Variants in RBPMS observed in about 807,000 individuals in gnomAD.
RBPMS encodes RNA binding protein, mRNA processing factor, also known as RNA-binding protein with multiple splicing.
In RBPMS, 7 loss-of-function variants were observed where a neutral mutation model predicts 26.8. That is an observed-to-expected ratio of 0.26 (90% CI 0.15 to 0.49). The LOEUF (loss-of-function observed/expected upper bound fraction) is 0.49, where lower values mean the gene tolerates loss of function less well. RBPMS is among the 20% of genes least tolerant of loss of function. The probability of loss-of-function intolerance (pLI) is 0.98; values close to 1 mark genes in which losing one functional copy is unlikely to be tolerated. For synonymous variants in RBPMS, 96 were observed against 93.3 expected, an observed-to-expected ratio of 1.03 and a Z score of -0.17; for missense variants, 186 against 250.0, an observed-to-expected ratio of 0.74 and a Z score of 1.73.
intron 5 of RBPMS, among the ~76,000 whole-genome samples, chr8:30,506,336 TAAAAAAA>T (rs34344286): frequency 1.5e-5 from 2 of 132,132 alleles, no homozygotes; most frequent in Middle Eastern, 3.7e-3. Context: ...ATTTGAAGTT[TAAAAAAA>T]AAAAAAAAAA....
chr8:30,503,263 T>A (rs1370827613), intron 4 of RBPMS, among the ~76,000 whole-genome samples: 1 of 152,124 alleles, frequency 6.6e-6, no homozygotes, highest in Non-Finnish European at 1.5e-5. Flanking sequence ...GGATATTTCT[T>A]TTTTTGAGAC....
At chr8:30,545,410 G>C (rs1166341946) in intron 6 of RBPMS, 3 of 1,051,376 alleles carry the variant, frequency 2.9e-6, no homozygotes, top group Admixed American at 5.3e-5. Flanking sequence ...TTCACCTCTG[G>C]AGATCACCAC....
chr8:30,475,621 C>A (rs935384111), intron 2 of RBPMS, among the ~76,000 whole-genome samples: 2 of 152,152 alleles, frequency 1.3e-5, no homozygotes, highest in Admixed American at 6.5e-5. Flanking sequence ...GGTTAAAGAT[C>A]ATTCTCACTG....
intron 1 of RBPMS, among the ~76,000 whole-genome samples, chr8:30,413,416 G>GGGCA (rs1809683764): frequency 1.3e-5 from 2 of 152,028 alleles, no homozygotes; most frequent in African/African-American, 4.8e-5. Context: ...GAAGGAGAGT[G>GGGCA]GGCATCTCTT....
chr8:30,492,860 T>C (rs1054673551), intron 4 of RBPMS, among the ~76,000 whole-genome samples: 2 of 152,188 alleles, frequency 1.3e-5, no homozygotes, highest in African/African-American at 4.8e-5. Context: ...TTACTCTTTT[T>C]TTCCTTTTTG....
intron 1 of RBPMS, among the ~76,000 whole-genome samples, chr8:30,458,583 C>T (rs1381525457): frequency 6.6e-6 from 1 of 151,970 alleles, no homozygotes; most frequent in Non-Finnish European, 1.5e-5. Flanking sequence ...AAACAAAAAA[C>T]AAAAACAAAT....
intron 6 of RBPMS, among the ~76,000 whole-genome samples, chr8:30,549,152 C>G (rs1001922458): frequency 6.6e-6 from 1 of 152,216 alleles, no homozygotes; most frequent in African/African-American, 2.4e-5. Flanking sequence ...AACCTGTGAA[C>G]AGAGTCATGT....
intron 1 of RBPMS, among the ~76,000 whole-genome samples, chr8:30,449,901 A>T (rs1814342771): frequency 6.6e-6 from 1 of 152,242 alleles, no homozygotes; most frequent in African/African-American, 2.4e-5. Flanking sequence ...TTTTATAGTT[A>T]GAATTTGGTT....
chr8:30,453,208 G>C (rs1200444615), intron 1 of RBPMS, among the ~76,000 whole-genome samples: 1 of 152,210 alleles, frequency 6.6e-6, no homozygotes, highest in Non-Finnish European at 1.5e-5. Context: ...CTTAATGTAT[G>C]TTAAAGTTTG....
At chr8:30,557,524 A>AG (rs1287457263) in intron 6 of RBPMS, among the ~76,000 whole-genome samples, 1 of 152,202 alleles carries the variant, frequency 6.6e-6, no homozygotes, top group Non-Finnish European at 1.5e-5. Context: ...GCTTTCCACC[A>AG]GTCCCTTCAG....
intron 8 of RBPMS, among the ~76,000 whole-genome samples, chr8:30,569,985 G>A (rs192638981): frequency 1.0e-3 from 156 of 152,244 alleles, no homozygotes; most frequent in African/African-American, 3.5e-3. Flanking sequence ...CTGCTCCGCC[G>A]GCCGTTACCC....
chr8:30,456,779 G>A (rs1484105309), intron 1 of RBPMS, among the ~76,000 whole-genome samples: 2 of 152,152 alleles, frequency 1.3e-5, no homozygotes, highest in East Asian at 3.9e-4. Context: ...AAATTAGCTG[G>A]GCATGGTGGC....
At chr8:30,462,357 T>C (rs188516016) in intron 1 of RBPMS, among the ~76,000 whole-genome samples, 462 of 152,308 alleles carry the variant, frequency 3.0e-3, no homozygotes, top group Non-Finnish European at 5.3e-3. Flanking sequence ...TACCATATAC[T>C]ACAATAAAAA....
In RBPMS at chr8:30,385,105, G is replaced by A. The variant is rs748973216; in HGVS notation, c.13G>A (p.Gly5Ser). 1 of 1,524,580 alleles carries A rather than the reference G, an allele frequency of 6.6e-7. No individual in the cohort carries two copies. The highest frequency in any genetic ancestry group is 2.1e-5 in the Admixed American group (1 of 47,954). 94.4% of individuals were successfully genotyped at this position (1,524,580 alleles called of 1,614,324 possible). A position where few individuals can be genotyped will look rare whatever the true frequency, so the allele number is the denominator to read the frequency against. Reference protein sequence around the residue: MNNGGKAEKENTPSE... With the variant: MNNGSKAEKENTPSE... ...AAGGACCGGGAAGATGAACAACGGC[G>A]GCAAAGCCGAGAAGGAGAACACCCC... Residue 5 changes from glycine to serine, a missense_variant, in exon 1 of 9, where the codon GGC becomes AGC. By Grantham distance (56) the Gly-to-Ser change is moderately conservative (BLOSUM62 0). This residue lies in a region of RBPMS where 38 missense variants were observed against 27.8 expected (regional missense o/e 1.37). Coordinates refer to ENST00000397323, the MANE Select transcript of RBPMS (RefSeq NM_001008710.3).
At chr8:30,547,274 A>ATTT in intron 6 of RBPMS, 3 of 1,459,056 alleles carry the variant, frequency 2.1e-6, no homozygotes, top group East Asian at 2.4e-5. Flanking sequence ...TGAGACATGG[A>ATTT]TTTTTTTTTT....
At chr8:30,386,374 G>A (rs1255006900) in intron 1 of RBPMS, among the ~76,000 whole-genome samples, 4 of 152,208 alleles carry the variant, frequency 2.6e-5, no homozygotes, top group African/African-American at 7.2e-5. Context: ...AGAGGAGCGA[G>A]ACTATGCCAA....
At chr8:30,521,073 T>C (rs115392709) in intron 5 of RBPMS, among the ~76,000 whole-genome samples, 289 of 152,308 alleles carry the variant, frequency 1.9e-3, no homozygotes, top group African/African-American at 6.6e-3. Context: ...TGAGCACTGA[T>C]ATTGACTAGA....
intron 5 of RBPMS, among the ~76,000 whole-genome samples, chr8:30,535,149 T>A (rs1288909763): frequency 6.6e-6 from 1 of 152,224 alleles, no homozygotes; most frequent in Non-Finnish European, 1.5e-5. Flanking sequence ...AAACTGACAT[T>A]TTCTTAAAAG....
At chr8:30,422,005 A>T (rs917639753) in intron 1 of RBPMS, among the ~76,000 whole-genome samples, 5 of 152,108 alleles carry the variant, frequency 3.3e-5, no homozygotes, top group African/African-American at 1.2e-4. Flanking sequence ...AGATAAGAAT[A>T]AAGTAATAAC....
Sources: allele counts gnomAD v4.1 joint callset (sites outside exome capture counted in the v4.1 genomes callset), GRCh38; gene constraint gnomAD v4.1.1; regional missense constraint gnomAD v4.1.1; transcripts MANE v1.5; gene names NCBI Gene and HGNC (gene_info 2026-07-23, HGNC 2026-07-21).